KIF18B: variants seen among roughly 807,000 people sequenced by gnomAD.
The protein encoded by KIF18B is kinesin-like protein KIF18B.
KIF18B carries 49 observed loss-of-function variants against 80.9 expected under a neutral mutation model. The observed-to-expected ratio is 0.61, with a 90% CI of 0.48 to 0.77. The LOEUF (loss-of-function observed/expected upper bound fraction) is 0.77, where lower values mean the gene tolerates loss of function less well. KIF18B is among the 30% of genes least tolerant of loss of function. KIF18B has a pLI of 0.00. For synonymous variants in KIF18B, 439 were observed against 463.9 expected (o/e 0.95, Z 0.69); for missense variants, 994 against 1,127.7 (o/e 0.88, Z 1.70).
chr17:44,928,553 T>C lies in KIF18B; in HGVS notation c.1749A>G (p.Pro583=), dbSNP rs1297693841. 3 of 1,454,190 alleles carry C rather than the reference T, an allele frequency of 2.1e-6. No homozygotes were observed. The African/African-American group carries it at 4.3e-5, about 21-fold the overall frequency. The allele number at this position is 1,454,190 out of a possible 1,614,324, so 90.1% of individuals were successfully genotyped here. The part of the protein sequence containing the change: ...ESIPVPSPLC[P]EPPGYTGPVT... Reference sequence around the variant, plus strand: ...CAGGGCCAGTGTATCCTGGAGGCTCTGGGCAGAGAGGAGACGGCACAGGGA... The same window carrying C: ...CAGGGCCAGTGTATCCTGGAGGCTCCGGGCAGAGAGGAGACGGCACAGGGA... The change falls in exon 13 of 16, where the codon CCA becomes CCG. Residue 583 remains proline, a synonymous_variant. Coordinates refer to ENST00000593135, the MANE Select transcript of KIF18B (RefSeq NM_001265577.2).
Sources: gnomAD v4.1 joint callset for allele counts on GRCh38, gnomAD v4.1.1 for gene constraint, MANE v1.5 for transcripts, NCBI Gene and HGNC (gene_info 2026-07-23, HGNC 2026-07-21) for gene names.